PI4KA: variants seen among roughly 807,000 people sequenced by gnomAD.
The protein encoded by PI4KA is PI4-kinase alpha.
PI4KA carries 122 observed loss-of-function variants against 271.4 expected under a neutral mutation model. The observed-to-expected ratio is 0.45, with a 90% confidence interval of 0.39 to 0.52. PI4KA has a LOEUF of 0.52. PI4KA is among the 20% of genes least tolerant of loss of function. The pLI, the probability that PI4KA is intolerant of heterozygous loss-of-function variation, is 0.00. For synonymous variants in PI4KA, 1,041 were observed against 1,078.8 expected, an observed-to-expected ratio of 0.96 and a Z score of 0.69; for missense variants, 1,969 against 2,769.1, an observed-to-expected ratio of 0.71 and a Z score of 6.48.
rs772165500 is a variant in PI4KA, at chr22:20,804,957, A to C, written c.1360+17T>G. 2.0e-5 allele frequency: 32 copies of C among 1,593,948 alleles called. No individual in the cohort carries two copies. Among genetic ancestry groups the C allele is most frequent in the African/African-American group, 4.0e-5 (3 of 74,530 alleles). ...CATGCCTGGAGCTCACATGAGAGGCAAGGCAGTCTGTCTCACCCTGCTCGT... is the reference window on the plus strand; with the variant it reads ...CATGCCTGGAGCTCACATGAGAGGCCAGGCAGTCTGTCTCACCCTGCTCGT... On this transcript the variant is annotated intron_variant, in intron 11 of 54. Transcript: ENST00000255882.
chr22:20,780,509 T>A (rs1933687952), intron 19 of PI4KA, among the ~76,000 whole-genome samples: 1 of 152,176 alleles, frequency 6.6e-6, no homozygotes, highest in Non-Finnish European at 1.5e-5. Flanking sequence ...GGCTCACGCC[T>A]GTAATCCCAG....
chr22:20,781,416 G>C (rs981557970), intron 19 of PI4KA, among the ~76,000 whole-genome samples: 6 of 152,216 alleles, frequency 3.9e-5, no homozygotes, highest in Non-Finnish European at 7.3e-5. Flanking sequence ...TTGGAGGCCA[G>C]TGCTTTCTGC....
rs769854674 is a variant in PI4KA at position 20,834,631 on chromosome 22, G to C, written c.298C>G (p.Leu100Val). 1.2e-6 allele frequency: 2 copies of C among 1,606,566 alleles called. No homozygotes were observed. Among genetic ancestry groups the C allele is most frequent in the Non-Finnish European group, 1.7e-6 (2 of 1,173,362 alleles). The change falls in exon 3 of 55, where the codon CTT (leucine) becomes GTT (valine). Residue 100 changes from leucine to valine, a missense_variant. Leu to Val is a conservative substitution (Grantham distance 32, BLOSUM62 1). Transcript: ENST00000255882. The stretch of plus-strand genomic sequence containing the variant: ...GGAAGACCTTTGAGAAGTCGAAGAA[G>C]GTAAGGAACCACACAATCTTTGTGC... The part of the protein sequence containing the change: ...LQHKDCVVPY[L>V]LRLLKGLPKV...
intron 22 of PI4KA, among the ~76,000 whole-genome samples, chr22:20,762,151 A>C (rs2147380805): frequency 6.6e-6 from 1 of 152,290 alleles, no homozygotes; most frequent in South Asian, 2.1e-4. Context: ...CACTTGTCCC[A>C]TGGGTGCTGT....
At chr22:20,790,150 C>T (rs1420068096) in intron 19 of PI4KA, among the ~76,000 whole-genome samples, 1 of 152,062 alleles carries the variant, frequency 6.6e-6, no homozygotes, top group Non-Finnish European at 1.5e-5. Context: ...CAAAGATCAC[C>T]AAATCTAGCC....
intron 19 of PI4KA, among the ~76,000 whole-genome samples, chr22:20,782,790 C>T (rs1306027649): frequency 6.6e-6 from 1 of 152,128 alleles, no homozygotes; most frequent in African/African-American, 2.4e-5. Context: ...CCCACATTGC[C>T]ACAAACTATT....
chr22:20,739,323 A>G (rs1929121393), intron 32 of PI4KA, among the ~76,000 whole-genome samples: 1 of 149,456 alleles, frequency 6.7e-6, no homozygotes, highest in Non-Finnish European at 1.5e-5. Flanking sequence ...TGGGTGACAG[A>G]GCGAGACTCC....
intron 7 of PI4KA, among the ~76,000 whole-genome samples, chr22:20,815,939 CTT>C (rs371208616): frequency 6.8e-6 from 1 of 146,134 alleles, no homozygotes; most frequent in Non-Finnish European, 1.5e-5. Context: ...ATTGAAACTT[CTT>C]TTTTTTTTTT....
intron 36 of PI4KA, among the ~76,000 whole-genome samples, chr22:20,731,696 G>A (rs562944743): frequency 3.3e-4 from 51 of 152,272 alleles, no homozygotes; most frequent in African/African-American, 9.6e-4. Context: ...TTGGGAGGCC[G>A]AGGTGGGCAG....
In PI4KA at chr22:20,753,022, C is replaced by A; in HGVS notation, c.2868G>T (p.Lys956Asn). The A allele has an allele frequency of 6.2e-7, 1 of 1,614,222 alleles. No homozygotes were observed. Among genetic ancestry groups the A allele is most frequent in the South Asian group, 1.1e-5 (1 of 91,078 alleles). ...CCAGCTCCTCCTCGTTCTCCTTGGT[C>A]TTGGCCTAGAGATGCAAAAGAAACA... ...AFLNMMADKA[K>N]TKENEEELER... The change falls in exon 25 of 55, where the codon AAG becomes AAT. Residue 956 changes from lysine (K) to asparagine (N), a missense_variant. Around this residue, in one of 13 missense-constraint regions of PI4KA, gnomAD observed 368 missense variants for 544.3 expected, o/e 0.68. Coordinates refer to ENST00000255882, the MANE Select transcript of PI4KA (RefSeq NM_058004.4).
chr22:20,724,292 C>T (rs538713254), intron 42 of PI4KA, among the ~76,000 whole-genome samples: 6 of 147,056 alleles, frequency 4.1e-5, no homozygotes, highest in African/African-American at 1.3e-4. Flanking sequence ...GCAACAAGAG[C>T]GAAACTCTGT....
At position 20,765,068 on chromosome 22, in the gene PI4KA, G is replaced by C. The variant is rs550814798; in HGVS notation, c.2574+32C>G. ...AAAGATCTGCCCTAATTGGCACAGA[G>C]AGCATGGTAAAAATGAGATGTGAAT... On this transcript the variant is annotated intron_variant, in intron 21 of 54. Transcript: ENST00000255882. The C allele has an allele frequency of 2.1e-5, 33 of 1,600,474 alleles. 1 individual carries two copies. The highest frequency in any genetic ancestry group is 1.7e-4 in the African/African-American group (13 of 74,834).
chr22:20,714,554 A>G (rs1203980273), intron 46 of PI4KA, 26 bp from the exon 47 acceptor site: 1 of 1,613,950 alleles, frequency 6.2e-7, no homozygotes. Context: ...AGAATGTGGC[A>G]CCCATGATGC....
intron 29 of PI4KA, 140 bp from the exon 30 acceptor site, chr22:20,744,860 G>C (rs1201336771): frequency 1.9e-6 from 1 of 537,260 alleles, no homozygotes; most frequent in Non-Finnish European, 3.3e-6. Context: ...CTGCTGGCAA[G>C]TTAATAAAGC....
intron 32 of PI4KA, among the ~76,000 whole-genome samples, chr22:20,738,176 C>G (rs1928962863): frequency 6.6e-6 from 1 of 151,990 alleles, no homozygotes; most frequent in African/African-American, 2.4e-5. Flanking sequence ...TGGGCCCACA[C>G]AGGAGTGAGC....
chr22:20,763,550 C>T (rs1422687764), intron 22 of PI4KA, among the ~76,000 whole-genome samples: 1 of 151,936 alleles, frequency 6.6e-6, no homozygotes, highest in Non-Finnish European at 1.5e-5. Context: ...TGCCATTCTC[C>T]TGCCTCAGCC....
intron 32 of PI4KA, among the ~76,000 whole-genome samples, chr22:20,737,156 C>G (rs4052249): frequency 1.4e-4 from 21 of 152,238 alleles, no homozygotes; most frequent in East Asian, 1.9e-4. Context: ...GGCCAGAGTA[C>G]CCAGGCAGGG....
chr22:20,843,645 TG>T (rs1280106782), intron 1 of PI4KA, among the ~76,000 whole-genome samples: 1 of 151,162 alleles, frequency 6.6e-6, no homozygotes, highest in Non-Finnish European at 1.5e-5. Flanking sequence ...CAGGAGAGGT[TG>T]CACAGATGCA....
chr22:20,806,178 T>C (rs1045745160), intron 10 of PI4KA, among the ~76,000 whole-genome samples: 4 of 152,206 alleles, frequency 2.6e-5, no homozygotes, highest in African/African-American at 9.7e-5. Context: ...AATTTTGGTA[T>C]ACCTTCCTGA....
Sources: gnomAD v4.1 joint callset for allele counts (sites outside exome capture counted in the v4.1 genomes callset) on GRCh38, gnomAD v4.1.1 for gene constraint, gnomAD v4.1.1 regional missense constraint, MANE v1.5 for transcripts, NCBI Gene and HGNC (gene_info 2026-07-23, HGNC 2026-07-21) for gene names.